The following MYT1L variants were observed in gnomAD, a reference collection of about 807,000 sequenced individuals.
The protein encoded by MYT1L is myelin transcription factor 1-like protein.
MYT1L carries 12 observed loss-of-function variants against 126.7 expected under a neutral mutation model. The observed-to-expected ratio is 0.09, with a 90% CI of 0.06 to 0.15. The LOEUF (loss-of-function observed/expected upper bound fraction) is 0.15, where lower values mean the gene tolerates loss of function less well. MYT1L is among the 10% of genes least tolerant of loss of function. The pLI is 1.00. For missense variants in MYT1L, 979 were observed against 1,585.2 expected, an observed-to-expected ratio of 0.62 and a Z score of 6.49; for synonymous variants, 541 against 604.2, an observed-to-expected ratio of 0.90 and a Z score of 1.53.
chr2:1,906,575 T>G (rs1301227783), intron 13 of MYT1L, among the ~76,000 whole-genome samples: 1 of 152,136 alleles, frequency 6.6e-6, no homozygotes, highest in Non-Finnish European at 1.5e-5. Flanking sequence ...ATATATCCAA[T>G]TATATATATG....
chr2:2,304,184 T>A (rs1465948325), intron 1 of MYT1L, among the ~76,000 whole-genome samples: 2 of 152,240 alleles, frequency 1.3e-5, no homozygotes, highest in African/African-American at 4.8e-5. Flanking sequence ...TATCTACAGA[T>A]CACCAGAAAA....
intron 21 of MYT1L, among the ~76,000 whole-genome samples, chr2:1,815,770 T>C (rs1313823582): frequency 6.6e-6 from 1 of 152,242 alleles, no homozygotes; most frequent in Non-Finnish European, 1.5e-5. Context: ...GCCTGGCCCA[T>C]CTCTCCTTTG....
intron 2 of MYT1L, among the ~76,000 whole-genome samples, chr2:2,206,979 C>CT (rs1347535341): frequency 1.3e-5 from 2 of 152,244 alleles, no homozygotes; most frequent in Non-Finnish European, 2.9e-5. Context: ...AGCATTCCTG[C>CT]TAGAGAAGCT....
intron 4 of MYT1L, among the ~76,000 whole-genome samples, chr2:2,048,005 T>C (rs1422814541): frequency 5.3e-5 from 8 of 151,742 alleles, no homozygotes; most frequent in Non-Finnish European, 1.2e-4. Flanking sequence ...CATGGGGCTG[T>C]CCATAAACTG....
chr2:2,276,838 A>AC (rs1172810530), intron 2 of MYT1L, among the ~76,000 whole-genome samples: 1 of 150,854 alleles, frequency 6.6e-6, no homozygotes, highest in Non-Finnish European at 1.5e-5. Flanking sequence ...GTTACTCCAC[A>AC]CCCCCCTGGA....
chr2:2,266,149 A>T (rs926662928), intron 2 of MYT1L, among the ~76,000 whole-genome samples: 2 of 152,188 alleles, frequency 1.3e-5, no homozygotes, highest in Non-Finnish European at 2.9e-5. Flanking sequence ...GGCAGGTTCT[A>T]TCTCCATTTT....
intron 2 of MYT1L, among the ~76,000 whole-genome samples, chr2:2,247,049 G>A (rs1393747779): frequency 6.6e-6 from 1 of 152,074 alleles, no homozygotes; most frequent in African/African-American, 2.4e-5. Context: ...ATTAATAATA[G>A]CAATGAATGG....
At chr2:1,893,277 C>A (rs889635490) in intron 14 of MYT1L, among the ~76,000 whole-genome samples, 1 of 152,234 alleles carries the variant, frequency 6.6e-6, no homozygotes, top group Non-Finnish European at 1.5e-5. Flanking sequence ...CAGTTAATGT[C>A]ACAGGACTTC....
At chr2:2,306,606 T>C (rs17039533) in intron 1 of MYT1L, among the ~76,000 whole-genome samples, 5,198 of 152,024 alleles carry the variant, frequency 0.034, 169 homozygotes, top group South Asian at 0.11. Flanking sequence ...ATAACACAGA[T>C]CAAAGAGAGG....
At chr2:2,201,744 T>A (rs2093084407) in intron 2 of MYT1L, among the ~76,000 whole-genome samples, 1 of 151,792 alleles carries the variant, frequency 6.6e-6, no homozygotes, top group Non-Finnish European at 1.5e-5. Context: ...ACCTTTCAAG[T>A]GGTATTTTCA....
chr2:2,197,974 AAAT>A (rs1371768101), intron 2 of MYT1L, among the ~76,000 whole-genome samples: 2 of 151,000 alleles, frequency 1.3e-5, no homozygotes, highest in Non-Finnish European at 3.0e-5. Context: ...GTATAGGTAT[AAAT>A]AACATACATA....
chr2:1,867,312 G>A (rs1028521629), intron 18 of MYT1L, among the ~76,000 whole-genome samples: 6 of 152,074 alleles, frequency 3.9e-5, no homozygotes, highest in South Asian at 2.1e-4. Flanking sequence ...ACCGAGGGTC[G>A]CACACAGGAC....
At chr2:2,011,562 G>GCAAATACACCACCACAAAAGTGAAAAAAA (rs1447143918) in intron 4 of MYT1L, among the ~76,000 whole-genome samples, 1 of 151,828 alleles carries the variant, frequency 6.6e-6, no homozygotes, top group African/African-American at 2.4e-5. Flanking sequence ...CTTTTGTGTT[G>GCAAATACACCACCACAAAAGTGAAAAAAA]CAAATACACC....
chr2:2,136,510 G>T (rs185853910), intron 3 of MYT1L, among the ~76,000 whole-genome samples: 3 of 152,216 alleles, frequency 2.0e-5, no homozygotes. Context: ...CCCTTCCCTC[G>T]CCCTCAAGAG....
chr2:1,867,873 C>T (rs1011872072), intron 18 of MYT1L, among the ~76,000 whole-genome samples: 4 of 152,242 alleles, frequency 2.6e-5, no homozygotes, highest in Middle Eastern at 3.4e-3. Context: ...CATCTTATGG[C>T]GGGAGGGTGG....
chr2:1,791,091 T>A lies in MYT1L; in HGVS notation c.*776A>T. 2.4e-6 allele frequency: 1 copy of A among 409,036 alleles called. No individual in the cohort carries two copies. Among genetic ancestry groups the A allele is most frequent in the Non-Finnish European group, 4.9e-6 (1 of 202,176 alleles). 25.3% of individuals were successfully genotyped at this position (409,036 alleles called of 1,614,324 possible). A position where few individuals can be genotyped will look rare whatever the true frequency, so the allele number is the denominator to read the frequency against. On this transcript the variant is annotated 3_prime_UTR_variant, in exon 25 of 25. Coordinates refer to ENST00000647738, the MANE Select transcript of MYT1L (RefSeq NM_001303052.2). The surrounding 1 kb of genome is among the most constrained non-coding windows in gnomAD (Gnocchi z 6.0). ...TCCATAGTCACAACCATGTAACGCTTAGGAGTTAATTTAAAAGTGCTGTTT... is the reference window on the plus strand; with the variant it reads ...TCCATAGTCACAACCATGTAACGCTAAGGAGTTAATTTAAAAGTGCTGTTT...
At chr2:1,981,683 T>C (rs372598283) in intron 5 of MYT1L, among the ~76,000 whole-genome samples, 24 of 152,250 alleles carry the variant, frequency 1.6e-4, no homozygotes, top group Middle Eastern at 3.4e-3. Flanking sequence ...TGGCCTTTCT[T>C]GAGCATGGGG....
intron 18 of MYT1L, among the ~76,000 whole-genome samples, chr2:1,871,235 T>C (rs2046248436): frequency 6.6e-6 from 1 of 152,256 alleles, no homozygotes; most frequent in Non-Finnish European, 1.5e-5. Context: ...GGCAACTAAT[T>C]TAACCCTTGA....
intron 15 of MYT1L, among the ~76,000 whole-genome samples, chr2:1,890,229 C>T (rs1369986957): frequency 1.3e-5 from 2 of 151,974 alleles, no homozygotes; most frequent in African/African-American, 2.4e-5. Flanking sequence ...ACCACCATGC[C>T]CAACTAATTT....
Sources: gnomAD v4.1 joint callset for allele counts (sites outside exome capture counted in the v4.1 genomes callset) on GRCh38, gnomAD v4.1.1 for gene constraint, Gnocchi (gnomAD v3.1) non-coding constraint, MANE v1.5 for transcripts, NCBI Gene and HGNC (gene_info 2026-07-23, HGNC 2026-07-21) for gene names.